Variants in SIL1 observed in about 807,000 individuals in gnomAD.
SIL1 encodes SIL1 nucleotide exchange factor, also known as nucleotide exchange factor SIL1.
In SIL1, 40 loss-of-function variants were observed where a neutral mutation model predicts 49.1. The ratio of observed to expected loss-of-function variants is 0.81; its 90% CI spans 0.63 to 1.06. The LOEUF is 1.06. SIL1 is among the 50% of genes least tolerant of loss of function. The pLI is 0.00. For missense variants in SIL1, 500 were observed against 572.6 expected, an observed-to-expected ratio of 0.87 and a Z score of 1.29; for synonymous variants, 253 against 250.8, an observed-to-expected ratio of 1.01 and a Z score of -0.08.
chr5:138,953,792 C>G (rs144390166), intron 7 of SIL1, among the ~76,000 whole-genome samples: 1 of 152,308 alleles, frequency 6.6e-6, no homozygotes, highest in Non-Finnish European at 1.5e-5. Context: ...ACAGGAGGGT[C>G]CAGGAAGAGA....
chr5:139,145,990 A>G (rs1488722082), intron 1 of SIL1, among the ~76,000 whole-genome samples: 1 of 151,544 alleles, frequency 6.6e-6, no homozygotes, highest in Non-Finnish European at 1.5e-5. Context: ...GTGTGTGTGT[A>G]TGTATATGTA....
chr5:138,988,543 A>G (rs941730121), intron 7 of SIL1, among the ~76,000 whole-genome samples: 3 of 152,196 alleles, frequency 2.0e-5, no homozygotes, highest in Non-Finnish European at 2.9e-5. Context: ...GTCATTTTTA[A>G]ACGTAGGTCA....
chr5:139,047,520 T>C (rs571627374), intron 4 of SIL1, among the ~76,000 whole-genome samples: 2 of 152,370 alleles, frequency 1.3e-5, no homozygotes, highest in South Asian at 4.1e-4. Context: ...CAATGGTTCT[T>C]AACTCTGTGG....
At chr5:139,126,513 G>A (rs1289845568) in intron 2 of SIL1, among the ~76,000 whole-genome samples, 2 of 152,108 alleles carry the variant, frequency 1.3e-5, no homozygotes, top group South Asian at 2.1e-4. Flanking sequence ...TTCTTTTCTG[G>A]GCCATTCCAC....
chr5:139,095,503 C>T (rs1025368225), intron 3 of SIL1, among the ~76,000 whole-genome samples: 2 of 152,168 alleles, frequency 1.3e-5, no homozygotes, highest in African/African-American at 2.4e-5. Flanking sequence ...CTCAAGTGAT[C>T]CACTTGCCTT....
intron 1 of SIL1, among the ~76,000 whole-genome samples, chr5:139,186,928 T>A (rs1049841208): frequency 1.3e-5 from 2 of 152,204 alleles, no homozygotes; most frequent in Non-Finnish European, 2.9e-5. Context: ...GAACTCACTG[T>A]GGCTGGGAAT....
intron 7 of SIL1, among the ~76,000 whole-genome samples, chr5:139,011,720 G>A (rs558296951): frequency 7.0e-4 from 106 of 152,188 alleles, no homozygotes; most frequent in Non-Finnish European, 1.3e-3. Context: ...TGATGTTTTG[G>A]TTGTGAGCTC....
At chr5:139,154,941 C>T (rs1466289725) in intron 1 of SIL1, among the ~76,000 whole-genome samples, 1 of 152,102 alleles carries the variant, frequency 6.6e-6, no homozygotes, top group Admixed American at 6.5e-5. Flanking sequence ...AATTCTTCAC[C>T]TGAAGACAAG....
rs375089663 is a variant in SIL1 at position 139,053,056 on chromosome 5, T to C, written c.245-2010A>G. On this transcript the variant is annotated intron_variant, in intron 3 of 9. Coordinates refer to ENST00000394817, the MANE Select transcript of SIL1 (RefSeq NM_022464.5). Reference sequence around the variant, plus strand: ...GGCAACTTCTATCCTATTACTATGATCACAGGGCAAGAGGTAATTTCTTTA... The same window carrying C: ...GGCAACTTCTATCCTATTACTATGACCACAGGGCAAGAGGTAATTTCTTTA... 1.2e-4 allele frequency among the ~76,000 whole-genome samples: 18 copies of C among 152,294 alleles called. No homozygotes were observed. The East Asian group carries it at 3.5e-3, about 29-fold the overall frequency.
At chr5:139,196,381 G>C (rs754210973) in intron 1 of SIL1, 2 of 152,152 alleles carry the variant, frequency 1.3e-5, no homozygotes, top group Non-Finnish European at 2.9e-5. Context: ...CTCTAAAGGA[G>C]AACATTCATT....
At chr5:139,032,503 C>T (rs901692723) in intron 5 of SIL1, among the ~76,000 whole-genome samples, 3 of 152,048 alleles carry the variant, frequency 2.0e-5, no homozygotes, top group South Asian at 4.1e-4. Context: ...TTTCCATGTT[C>T]GTGAGGAATG....
intron 2 of SIL1, among the ~76,000 whole-genome samples, chr5:139,124,329 C>T (rs889851876): frequency 4.6e-5 from 7 of 152,112 alleles, no homozygotes; most frequent in Admixed American, 4.6e-4. Flanking sequence ...TGCTTCAAGT[C>T]CTAAGGAGGC....
intron 3 of SIL1, among the ~76,000 whole-genome samples, chr5:139,105,522 T>A (rs75671401): frequency 6.6e-5 from 10 of 152,184 alleles, no homozygotes; most frequent in Non-Finnish European, 1.2e-4. Flanking sequence ...GAAGCATAAT[T>A]AGGGGAGATT....
At chr5:139,121,316 C>T (rs961256978) in intron 2 of SIL1, 143 bp from the exon 3 acceptor site, 8 of 1,165,958 alleles carry the variant, frequency 6.9e-6, no homozygotes, top group Admixed American at 1.8e-5. Context: ...CAATTCCTTT[C>T]CCAAGGTCAG....
chr5:139,104,057 A>C (rs112086854), intron 3 of SIL1, among the ~76,000 whole-genome samples: 5 of 152,334 alleles, frequency 3.3e-5, no homozygotes, highest in Admixed American at 1.3e-4. Context: ...CCTATTGGCT[A>C]GGTTAAAAAG....
At chr5:139,105,133 A>G (rs989795553) in intron 3 of SIL1, among the ~76,000 whole-genome samples, 1 of 152,096 alleles carries the variant, frequency 6.6e-6, no homozygotes, top group Non-Finnish European at 1.5e-5. Flanking sequence ...GGATTGAGTC[A>G]TGTTATGAAT....
At chr5:139,002,072 G>A (rs1767997988) in intron 7 of SIL1, among the ~76,000 whole-genome samples, 1 of 152,066 alleles carries the variant, frequency 6.6e-6, no homozygotes, top group South Asian at 2.1e-4. Context: ...TTACCCAGGT[G>A]TGGTGGCACT....
intron 3 of SIL1, among the ~76,000 whole-genome samples, chr5:139,094,395 C>G (rs183189588): frequency 6.6e-6 from 1 of 152,246 alleles, no homozygotes; most frequent in East Asian, 1.9e-4. Flanking sequence ...AAATCTCTGT[C>G]CACTCAGGGC....
chr5:139,169,567 C>T (rs1346166849), intron 1 of SIL1, among the ~76,000 whole-genome samples: 1 of 151,742 alleles, frequency 6.6e-6, no homozygotes, highest in African/African-American at 2.4e-5. Context: ...CTGCAACCTC[C>T]GCCTCCTGGG....
Sources: gnomAD v4.1 joint callset for allele counts (sites outside exome capture counted in the v4.1 genomes callset) on GRCh38, gnomAD v4.1.1 for gene constraint, MANE v1.5 for transcripts, NCBI Gene and HGNC (gene_info 2026-07-23, HGNC 2026-07-21) for gene names.